The following PDS5A variants were observed in gnomAD, a reference collection of about 807,000 sequenced individuals.
PDS5A encodes PDS5 cohesin associated factor A, also known as sister chromatid cohesion protein PDS5 homolog A.
Under a neutral mutation model 167.1 loss-of-function variants are expected in PDS5A, and 42 were observed. The ratio of observed to expected loss-of-function variants is 0.25; its 90% CI spans 0.20 to 0.33. The LOEUF is 0.33. Among genes scored for constraint, PDS5A ranks in the 10% least tolerant of loss-of-function variants. PDS5A has a pLI of 1.00. For missense variants in PDS5A, 1,033 were observed against 1,605.9 expected (o/e 0.64, Z 6.10); for synonymous variants, 553 against 554.6 (o/e 1.00, Z 0.04).
At chr4:39,922,456 T>G (rs980873790) in intron 6 of PDS5A, among the ~76,000 whole-genome samples, 166 bp downstream of exon 6, 3 of 152,206 alleles carry the variant, frequency 2.0e-5, no homozygotes, top group Non-Finnish European at 2.9e-5. Flanking sequence ...CAATATATTT[T>G]GTAAAAATAA....
At chr4:39,944,109 G>C (rs1395029463) in intron 2 of PDS5A, among the ~76,000 whole-genome samples, 2 of 149,050 alleles carry the variant, frequency 1.3e-5, no homozygotes, top group Non-Finnish European at 3.0e-5. Context: ...ACCCAGGAAG[G>C]CGGAGCTTGC....
chr4:39,890,515 A>G (rs1328646143), intron 16 of PDS5A, among the ~76,000 whole-genome samples, 151 bp from the exon 17 acceptor site: 1 of 152,224 alleles, frequency 6.6e-6, no homozygotes, highest in African/African-American at 2.4e-5. Flanking sequence ...CACCCCGAGC[A>G]ATGACTGAAA....
intron 11 of PDS5A, among the ~76,000 whole-genome samples, chr4:39,907,612 A>G (rs1301823486): frequency 6.8e-6 from 1 of 147,540 alleles, no homozygotes; most frequent in Non-Finnish European, 1.5e-5. Flanking sequence ...TTTGAGACAG[A>G]GTCTCGCTTT....
chr4:39,923,344 A>G (rs1249897970), intron 5 of PDS5A, among the ~76,000 whole-genome samples: 1 of 151,122 alleles, frequency 6.6e-6, no homozygotes, highest in East Asian at 1.9e-4. Context: ...AAAAAAAAAA[A>G]AAGAAAAAAA....
chr4:39,836,613 CTATTTT>C (rs1313097622), intron 32 of PDS5A, among the ~76,000 whole-genome samples: 7 of 78,682 alleles, frequency 8.9e-5, no homozygotes, highest in Non-Finnish European at 1.6e-4. Flanking sequence ...GGATTTTTTT[CTATTTT>C]TTTTTTTTTT....
In PDS5A at chr4:39,824,246, T is replaced by G. The variant is rs906293235; in HGVS notation, c.*1239A>C. ...AATGGAGAGTTGACTGTAATCATGT[T>G]ATGACTTTAGCTCTTTAACATGAAA... On this transcript the variant is annotated 3_prime_UTR_variant, in exon 33 of 33. Coordinates refer to ENST00000303538, the MANE Select transcript of PDS5A (RefSeq NM_001100399.2). The G allele has an allele frequency of 1.3e-5, 2 of 152,222 alleles. No individual in the cohort carries two copies. Among genetic ancestry groups the G allele is most frequent in the Non-Finnish European group, 2.9e-5 (2 of 68,044 alleles). The allele number at this position is 152,222 out of a possible 1,614,324, so 9.4% of individuals were successfully genotyped here. A position where few individuals can be genotyped will look rare whatever the true frequency, so the allele number is the denominator to read the frequency against.
At chr4:39,893,815 A>G (rs1437356665) in intron 16 of PDS5A, among the ~76,000 whole-genome samples, 2 of 152,208 alleles carry the variant, frequency 1.3e-5, no homozygotes, top group African/African-American at 2.4e-5. Context: ...CTAATATAAG[A>G]GCTAGGAAAG....
Position 39,874,336 on chromosome 4 carries a change from G to T in PDS5A, c.2230C>A (p.His744Asn). The change falls in exon 20 of 33, where the codon CAC becomes AAC. Residue 744 changes from histidine to asparagine, a missense_variant. Physicochemically the swap from His to Asn is moderately conservative, Grantham distance 68 (BLOSUM62 1). This residue lies in a region of PDS5A where 367 missense variants were observed against 686.7 expected (regional missense o/e 0.53). Transcript: ENST00000303538. The part of the protein sequence containing the change: ...HQAKQAVHCI[H>N]AIFTNKEVQL... ...ACTTCTTTATTTGTGAATATGGCGT[G>T]TATACAGTGCACAGCCTGTTTTGCT... 1 of 1,612,698 alleles carries T rather than the reference G, an allele frequency of 6.2e-7. No homozygotes were observed. The highest frequency in any genetic ancestry group is 8.5e-7 in the Non-Finnish European group (1 of 1,178,780).
intron 31 of PDS5A, among the ~76,000 whole-genome samples, chr4:39,841,286 C>T (rs1169450555): frequency 6.6e-6 from 1 of 151,094 alleles, no homozygotes; most frequent in South Asian, 2.1e-4. Flanking sequence ...ATTACAGGCG[C>T]CTGCCACCAC....
intron 30 of PDS5A, among the ~76,000 whole-genome samples, chr4:39,842,909 T>TTTTATATATATATATA (rs751901010): frequency 1.6e-4 from 15 of 92,310 alleles, no homozygotes; most frequent in African/African-American, 7.7e-4. Context: ...TATCCTATTT[T>TTTTATATATATATATA]TATATATATA....
chr4:39,948,807 T>C (rs1201477657), intron 2 of PDS5A, among the ~76,000 whole-genome samples: 2 of 151,804 alleles, frequency 1.3e-5, no homozygotes, highest in Admixed American at 6.6e-5. Flanking sequence ...CTATTTTTAG[T>C]TGAGATGGCA....
Position 39,899,557 on chromosome 4 carries a change from G to C in PDS5A, c.1582-732C>G, listed in dbSNP as rs141173069. ...TGCTATCTGTTGATTTATTTTCAAA[G>C]TTTGCTAGGCTAGGTGCAGTATCTC... On this transcript the variant is annotated intron_variant, in intron 14 of 32. Coordinates refer to ENST00000303538, the MANE Select transcript of PDS5A (RefSeq NM_001100399.2). Among the ~76,000 whole-genome samples, 671 of 152,138 alleles carry C rather than the reference G, an allele frequency of 4.4e-3. 6 individuals carry two copies. The highest frequency in any genetic ancestry group is 0.016 in the African/African-American group (649 of 41,510).
At position 39,960,878 on chromosome 4, in the gene PDS5A, T is replaced by C. The variant is rs1440328885; in HGVS notation, c.138+15562A>G. On this transcript the variant is annotated intron_variant, in intron 2 of 32. Coordinates refer to ENST00000303538, the MANE Select transcript of PDS5A (RefSeq NM_001100399.2). ...CTAATTTTTGTATTTTTAGTAGAGA[T>C]AGGGTTTCACCATCATGGCCAGGAT... is the stretch of plus-strand genomic sequence containing the variant. Among the ~76,000 whole-genome samples, 8 of 152,208 alleles carry C rather than the reference T, an allele frequency of 5.3e-5. No individual in the cohort carries two copies. In the South Asian group the frequency reaches 1.5e-3, roughly 28 times the overall value.
At chr4:39,974,909 G>A (rs1730934650) in intron 2 of PDS5A, among the ~76,000 whole-genome samples, 1 of 152,012 alleles carries the variant, frequency 6.6e-6, no homozygotes, top group Non-Finnish European at 1.5e-5. Flanking sequence ...TCAGGAGATC[G>A]AGACCAAAGT....
At chr4:39,921,583 TAAAA>T (rs375091298) in intron 6 of PDS5A, among the ~76,000 whole-genome samples, 7 of 86,862 alleles carry the variant, frequency 8.1e-5, no homozygotes, top group African/African-American at 2.5e-4. Context: ...AAAGAAAACT[TAAAA>T]AAAAAAAAAA....
At chr4:39,970,790 C>CTTTTTTTT (rs35223238) in intron 2 of PDS5A, among the ~76,000 whole-genome samples, 2 of 88,496 alleles carry the variant, frequency 2.3e-5, no homozygotes, top group Non-Finnish European at 4.1e-5. Flanking sequence ...CCGCTTGTTC[C>CTTTTTTTT]TTTTTTTTTT....
chr4:39,871,210 T>G (rs1414207581), intron 21 of PDS5A, among the ~76,000 whole-genome samples: 1 of 151,860 alleles, frequency 6.6e-6, no homozygotes, highest in Non-Finnish European at 1.5e-5. Flanking sequence ...GATGGGGTGG[T>G]GATGATTAGG....
chr4:39,864,475 T>C (rs1719259631), intron 23 of PDS5A, among the ~76,000 whole-genome samples: 1 of 152,170 alleles, frequency 6.6e-6, no homozygotes, highest in Non-Finnish European at 1.5e-5. Context: ...TGGTAAAATG[T>C]GGTAATGAAT....
intron 17 of PDS5A, among the ~76,000 whole-genome samples, chr4:39,885,213 C>A: frequency 7.1e-6 from 1 of 140,584 alleles, no homozygotes. Flanking sequence ...ACACTGCACA[C>A]TCCAGCCCAG....
Sources: allele counts gnomAD v4.1 joint callset (sites outside exome capture counted in the v4.1 genomes callset), GRCh38; gene constraint gnomAD v4.1.1; regional missense constraint gnomAD v4.1.1; transcripts MANE v1.5; gene names NCBI Gene and HGNC (gene_info 2026-07-23, HGNC 2026-07-21).